Variants in ARAP1 observed in about 807,000 individuals in gnomAD.
The protein encoded by ARAP1 is ArfGAP with RhoGAP domain, ankyrin repeat and PH domain 1.
Under a neutral mutation model 172.2 loss-of-function variants are expected in ARAP1, and 76 were observed. The observed-to-expected ratio is 0.44, with a 90% CI of 0.37 to 0.53. The LOEUF (loss-of-function observed/expected upper bound fraction) is 0.53. Ranked by LOEUF, ARAP1 falls within the 20% of genes least tolerant of loss-of-function variation. The probability of loss-of-function intolerance (pLI) is 0.00; values close to 1 mark genes in which losing one functional copy is unlikely to be tolerated. For synonymous variants in ARAP1, 804 were observed against 803.3 expected (o/e 1.00, Z -0.01); for missense variants, 1,686 against 1,977.5 (o/e 0.85, Z 2.80).
At position 72,688,101 on chromosome 11, in the gene ARAP1, C is replaced by T. The variant is rs139269938; in HGVS notation, c.4070+354G>A. Among the ~76,000 whole-genome samples the T allele has an allele frequency of 8.3e-3, 1,261 of 152,098 alleles. 15 individuals carry two copies. Among genetic ancestry groups the T allele is most frequent in the African/African-American group, 0.029 (1,196 of 41,466 alleles). The stretch of plus-strand genomic sequence containing the variant: ...TGCAGCCCAAACTTCGGGACTCAAG[C>T]GATCCTCCCGCCTCAGCCTCCTGAG... On this transcript the variant is annotated intron_variant, in intron 31 of 34. Transcript: ENST00000393609.
At chr11:72,697,563 C>A in intron 20 of ARAP1, 35 bp downstream of exon 20, 2 of 1,613,694 alleles carry the variant, frequency 1.2e-6, no homozygotes, top group Non-Finnish European at 1.7e-6. Context: ...ACTGCTCCAG[C>A]CTTCTCAGAG....
chr11:72,693,342 G>A lies in ARAP1; in HGVS notation c.3937C>T (p.Leu1313Phe). Reference sequence around the variant, plus strand: ...CCACTTACCCGGACCTCCTTGTAGAGCCGCAAGCAGCTGCTGTTGAGGATG... The same window carrying A: ...CCACTTACCCGGACCTCCTTGTAGAACCGCAAGCAGCTGCTGTTGAGGATG... Reference protein sequence around the residue: ...YFILNSSCLRLYKEVRSQRPW... With the variant: ...YFILNSSCLRFYKEVRSQRPW... Residue 1313 changes from leucine (L) to phenylalanine (F), a missense_variant, in exon 29 of 35, where the codon CTC becomes TTC. Leu to Phe is a conservative substitution (Grantham distance 22, BLOSUM62 0). Transcript: ENST00000393609. The surrounding 1 kb of genome is among the most constrained non-coding windows in gnomAD (Gnocchi z 4.6). The A allele has an allele frequency of 6.2e-7, 1 of 1,613,850 alleles. No homozygotes were observed. The highest frequency in any genetic ancestry group is 8.5e-7 in the Non-Finnish European group (1 of 1,179,812).
chr11:72,694,270 C>G (rs188166712), intron 27 of ARAP1, among the ~76,000 whole-genome samples: 1 of 152,070 alleles, frequency 6.6e-6, no homozygotes, highest in East Asian at 1.9e-4. Flanking sequence ...CCTCTCCCCA[C>G]CCATCAGCGA....
intron 3 of ARAP1, among the ~76,000 whole-genome samples, chr11:72,719,370 C>T (rs909649554): frequency 3.3e-5 from 5 of 152,250 alleles, no homozygotes; most frequent in African/African-American, 9.6e-5. Context: ...GCCTGTCCCA[C>T]GTCAAATGAG....
chr11:72,737,821 G>A (rs922822589), intron 1 of ARAP1, among the ~76,000 whole-genome samples: 1 of 152,096 alleles, frequency 6.6e-6, no homozygotes, highest in Non-Finnish European at 1.5e-5. Flanking sequence ...ATGGGGTTTT[G>A]CCACGTTGCC....
At chr11:72,696,459 T>C in intron 23 of ARAP1, 90 bp downstream of exon 23, 1 of 1,063,846 alleles carries the variant, frequency 9.4e-7, no homozygotes, top group East Asian at 2.7e-5. Context: ...AAAGCCCAGC[T>C]GGCTCCCAGA....
At position 72,725,133 on chromosome 11, in the gene ARAP1, C is replaced by T. The variant is rs554644433; in HGVS notation, c.509+1487G>A. 1.3e-5 allele frequency among the ~76,000 whole-genome samples: 2 copies of T among 152,178 alleles called. No homozygotes were observed. The highest frequency in any genetic ancestry group is 6.5e-5 in the Admixed American group (1 of 15,282). ...GCTGGGCCCGACCCAGGCATCCTGC[C>T]TCCCAAGCAGGAACCCAGGCCTCCA... On this transcript the variant is annotated intron_variant, in intron 3 of 34. Transcript: ENST00000393609. This position sits in a 1 kb window ranked among gnomAD's most constrained non-coding sequence, Gnocchi z 4.3.
rs1858558996 is a variant in ARAP1 at position 72,752,399 on chromosome 11, A to G, written c.-199T>C. On this transcript the variant is annotated 5_prime_UTR_variant, in exon 1 of 35. Coordinates refer to ENST00000393609, the MANE Select transcript of ARAP1 (RefSeq NM_001040118.3). ...GCCACCGACTTACACCGCCACCGCC[A>G]AATTGCAGCAAGGGGCCGGGCGCGC... 6.6e-6 allele frequency: 1 copy of G among 152,462 alleles called. No homozygotes were observed. The highest frequency in any genetic ancestry group is 2.1e-4 in the South Asian group (1 of 4,860). 9.4% of individuals were successfully genotyped at this position (152,462 alleles called of 1,614,324 possible). A position where few individuals can be genotyped will look rare whatever the true frequency, so the allele number is the denominator to read the frequency against.
chr11:72,697,964 A>T lies in ARAP1; in HGVS notation c.2684T>A (p.Phe895Tyr). 6.2e-7 allele frequency: 1 copy of T among 1,611,928 alleles called. No individual in the cohort carries two copies. The highest frequency in any genetic ancestry group is 8.5e-7 in the Non-Finnish European group (1 of 1,179,290). ...SLSGSELRAV[F>Y]PEGPCEEPLQ... ...CGGCTCTTCGCAGGGCCCCTCCGGG[A>T]AGACAGCACGGAGCTCCGAGCCACT... Residue 895 changes from phenylalanine (F) to tyrosine (Y), a missense_variant, in exon 19 of 35, where the codon TTC becomes TAC. By Grantham distance (22) the Phe-to-Tyr change is conservative. Transcript: ENST00000393609.
At chr11:72,698,962 CCA>C in intron 18 of ARAP1, 41 bp downstream of exon 18, 1 of 1,601,548 alleles carries the variant, frequency 6.2e-7, no homozygotes, top group Non-Finnish European at 8.6e-7. Context: ...CCCACCTTCC[CCA>C]GTCAGACACC....
chr11:72,712,855 C>G (rs60659381), intron 5 of ARAP1: 34 of 599,714 alleles, frequency 5.7e-5, no homozygotes, highest in African/African-American at 2.8e-4. Context: ...CAGACAGACA[C>G]GGGAACACAA....
chr11:72,732,411 T>A (rs1857894580), intron 2 of ARAP1, 104 bp downstream of exon 2: 1 of 152,362 alleles, frequency 6.6e-6, no homozygotes, highest in Admixed American at 6.6e-5. Flanking sequence ...AAATGGAAAA[T>A]GGGCTATCAG....
chr11:72,732,196 G>A (rs549371641), intron 2 of ARAP1, among the ~76,000 whole-genome samples: 1 of 152,270 alleles, frequency 6.6e-6, no homozygotes, highest in Admixed American at 6.5e-5. Flanking sequence ...TAGAGCCTGA[G>A]AATGAGAAAG....
intron 13 of ARAP1, 118 bp downstream of exon 13, chr11:72,705,687 G>C (rs4598696): frequency 0.32 from 348,526 of 1,073,674 alleles, 59,032 homozygotes; most frequent in Non-Finnish European, 0.34. Flanking sequence ...TTATCACAAA[G>C]GGTCTCTTCC....
At position 72,687,742 on chromosome 11, in the gene ARAP1, C is replaced by A. The variant is rs368139520; in HGVS notation, c.4071-4G>T. 3.3e-5 allele frequency: 53 copies of A among 1,614,002 alleles called. 1 individual carries two copies. Among genetic ancestry groups the A allele is most frequent in the Admixed American group, 5.0e-5 (3 of 59,990 alleles). ...ATGCACCACTGTGAAGCCCCAGCTA[C>A]AGAGGAAGAAGGGAGAGAGTTGGGT... On this transcript the variant is annotated splice_polypyrimidine_tract_variant and splice_region_variant and intron_variant, in intron 31 of 34. Coordinates refer to ENST00000393609, the MANE Select transcript of ARAP1 (RefSeq NM_001040118.3).
intron 11 of ARAP1, 54 bp from the exon 12 acceptor site, chr11:72,707,428 G>C: frequency 6.6e-7 from 1 of 1,517,510 alleles, no homozygotes; most frequent in Non-Finnish European, 9.0e-7. Context: ...GGGATTTGGG[G>C]GCAGCATGAG....
Position 72,710,899 on chromosome 11 carries a change from T to C in ARAP1, c.1213+122A>G. On this transcript the variant is annotated intron_variant, in intron 9 of 34. Coordinates refer to ENST00000393609, the MANE Select transcript of ARAP1 (RefSeq NM_001040118.3). The surrounding 1 kb of genome is among the most constrained non-coding windows in gnomAD (Gnocchi z 4.3). Reference sequence around the variant, plus strand: ...CTCTGCCCACCTCACAAAGGCAGCATGCCTCCCCGGATGTGATGTGAGAGG... The same window carrying C: ...CTCTGCCCACCTCACAAAGGCAGCACGCCTCCCCGGATGTGATGTGAGAGG... 1.9e-6 allele frequency: 3 copies of C among 1,546,570 alleles called. No individual in the cohort carries two copies. The highest frequency in any genetic ancestry group is 2.5e-5 in the South Asian group (2 of 80,166).
At chr11:72,737,655 C>T (rs188218191) in intron 1 of ARAP1, among the ~76,000 whole-genome samples, 1 of 151,346 alleles carries the variant, frequency 6.6e-6, no homozygotes, top group Non-Finnish European at 1.5e-5. Flanking sequence ...AACAGGGTCA[C>T]TCTGTCACCC....
rs1451370923 is a variant in ARAP1, at chr11:72,710,660, C to T, written c.1214-73G>A. On this transcript the variant is annotated intron_variant, in intron 9 of 34. Coordinates refer to ENST00000393609, the MANE Select transcript of ARAP1 (RefSeq NM_001040118.3). This position sits in a 1 kb window ranked among gnomAD's most constrained non-coding sequence, Gnocchi z 4.3. ...TCAGGGGTCTCCTGGCCCTAGGCTC[C>T]TCATGCAACACCTCCTCCAGAAAGC... 5 of 1,432,736 alleles carry T rather than the reference C, an allele frequency of 3.5e-6. No homozygotes were observed. The highest frequency in any genetic ancestry group is 4.7e-6 in the Non-Finnish European group (5 of 1,073,802). 88.8% of individuals were successfully genotyped at this position (1,432,736 alleles called of 1,614,324 possible).
Sources: allele counts gnomAD v4.1 joint callset (sites outside exome capture counted in the v4.1 genomes callset), GRCh38; gene constraint gnomAD v4.1.1; non-coding constraint Gnocchi (gnomAD v3.1); transcripts MANE v1.5; gene names NCBI Gene and HGNC (gene_info 2026-07-23, HGNC 2026-07-21).